Variants in BTBD16 observed in about 807,000 individuals in gnomAD.
BTBD16 encodes the protein BTB/POZ domain-containing protein 16.
In BTBD16, 66 loss-of-function variants were observed where a neutral mutation model predicts 67.4. The ratio of observed to expected loss-of-function variants is 0.98; its 90% CI spans 0.80 to 1.20. The LOEUF (loss-of-function observed/expected upper bound fraction) is 1.20, where lower values mean the gene tolerates loss of function less well. Ranked by LOEUF, BTBD16 falls within the 50% of genes most tolerant of loss-of-function variation. The pLI is 0.00. For missense variants in BTBD16, 634 were observed against 616.0 expected (o/e 1.03, Z -0.31); for synonymous variants, 242 against 236.4 (o/e 1.02, Z -0.22).
chr10:122,300,799 A>G (rs1305417843), intron 9 of BTBD16, among the ~76,000 whole-genome samples: 1 of 152,232 alleles, frequency 6.6e-6, no homozygotes, highest in African/African-American at 2.4e-5. Context: ...AGTAAATTTC[A>G]AAAGTGAAAA....
chr10:122,289,775 T>C, intron 5 of BTBD16, 134 bp from the exon 6 acceptor site: 1 of 537,880 alleles, frequency 1.9e-6, no homozygotes, highest in Non-Finnish European at 3.3e-6. Context: ...ATTAATTACA[T>C]CTATGAAACA....
chr10:122,311,843 C>A (rs770077626), intron 10 of BTBD16, among the ~76,000 whole-genome samples: 2 of 152,196 alleles, frequency 1.3e-5, no homozygotes, highest in Non-Finnish European at 1.5e-5. Context: ...CTTTTACTAC[C>A]AATACATCTT....
At chr10:122,288,608 C>G (rs552603121) in intron 5 of BTBD16, among the ~76,000 whole-genome samples, 1 of 145,652 alleles carries the variant, frequency 6.9e-6, no homozygotes, top group South Asian at 2.3e-4. Context: ...GGTGGAGCGG[C>G]AAGTGAACCA....
At position 122,336,616 on chromosome 10, in the gene BTBD16, G is replaced by T. The variant is rs768564405; in HGVS notation, c.1386G>T (p.Trp462Cys). The T allele has an allele frequency of 4.3e-6, 7 of 1,612,794 alleles. No individual in the cohort carries two copies. The East Asian group carries it at 1.3e-4, about 31-fold the overall frequency. ...CAGAGGCCCTGGTTGACGGCAAGTGGCAGGAGTTCAGGACAAACCAGATCA... is the reference window on the plus strand; with the variant it reads ...CAGAGGCCCTGGTTGACGGCAAGTGTCAGGAGTTCAGGACAAACCAGATCA... ...IRAEALVDGK[W>C]QEFRTNQIKQ... Residue 462 changes from tryptophan (W) to cysteine (C), a missense_variant, in exon 15 of 16, where the codon TGG becomes TGT. Transcript: ENST00000260723.
intron 4 of BTBD16, among the ~76,000 whole-genome samples, chr10:122,284,139 A>G (rs1346848010): frequency 1.3e-5 from 2 of 152,186 alleles, no homozygotes; most frequent in Non-Finnish European, 2.9e-5. Context: ...ACATTTTCAT[A>G]TGCTCCTCGC....
chr10:122,336,298 A>G (rs889383537), intron 14 of BTBD16, among the ~76,000 whole-genome samples, 196 bp from the exon 15 acceptor site: 2 of 152,232 alleles, frequency 1.3e-5, no homozygotes, highest in Admixed American at 6.5e-5. Flanking sequence ...CATCAGCCAC[A>G]GGTTTATGTA....
rs1003640281 is a variant in BTBD16, at chr10:122,290,782, G to A, written c.476-298G>A. On this transcript the variant is annotated intron_variant, in intron 6 of 15. Coordinates refer to ENST00000260723, the MANE Select transcript of BTBD16 (RefSeq NM_144587.5). Reference sequence around the variant, plus strand: ...CCTATATGGGCAGTCACATTCCTGCGCAGGCCACAGACCCCAGGTTAGGGG... The same window carrying A: ...CCTATATGGGCAGTCACATTCCTGCACAGGCCACAGACCCCAGGTTAGGGG... Among the ~76,000 whole-genome samples, 4 of 152,110 alleles carry A rather than the reference G, an allele frequency of 2.6e-5. No homozygotes were observed. The South Asian group carries it at 8.3e-4, about 32-fold the overall frequency.
At chr10:122,320,766 T>C (rs1262451224) in intron 10 of BTBD16, among the ~76,000 whole-genome samples, 1 of 152,230 alleles carries the variant, frequency 6.6e-6, no homozygotes, top group Non-Finnish European at 1.5e-5. Flanking sequence ...TTTTAAATTA[T>C]TGAGACCTGT....
chr10:122,309,236 C>T (rs2096409099), intron 10 of BTBD16, among the ~76,000 whole-genome samples: 1 of 152,208 alleles, frequency 6.6e-6, no homozygotes, highest in African/African-American at 2.4e-5. Flanking sequence ...AAGTGATCCT[C>T]TCGCCTCAGC....
At chr10:122,282,093 G>A (rs1326882380) in intron 3 of BTBD16, among the ~76,000 whole-genome samples, 2 of 152,192 alleles carry the variant, frequency 1.3e-5, no homozygotes, top group African/African-American at 4.8e-5. Context: ...TCACACCCAG[G>A]AGAAGGCAGT....
chr10:122,295,074 A>G (rs1200121269), intron 7 of BTBD16, among the ~76,000 whole-genome samples: 1 of 152,236 alleles, frequency 6.6e-6, no homozygotes, highest in Non-Finnish European at 1.5e-5. Flanking sequence ...TGGCATTTCC[A>G]GAACCAGCAG....
Position 122,299,118 on chromosome 10 carries a change from G to C in BTBD16, c.775G>C (p.Val259Leu). 1 of 1,613,868 alleles carries C rather than the reference G, an allele frequency of 6.2e-7. No individual in the cohort carries two copies. The highest frequency in any genetic ancestry group is 8.5e-7 in the Non-Finnish European group (1 of 1,179,948). The change falls in exon 9 of 16, where the codon GTG (valine) becomes CTG (leucine). Residue 259 changes from valine to leucine, a missense_variant. By Grantham distance (32) the Val-to-Leu change is conservative. Coordinates refer to ENST00000260723, the MANE Select transcript of BTBD16 (RefSeq NM_144587.5). The part of the protein sequence containing the change: ...HKIPQDLLHK[V>L]LKSPRLFTFS... ...AATCCCACAGGACCTGCTCCACAAA[G>C]TGCTGAAGTCCCCCAGGTCAGAGCT...
rs534509953 is a variant in BTBD16, at chr10:122,306,487, C to T, written c.792-702C>T. 5.9e-5 allele frequency among the ~76,000 whole-genome samples: 9 copies of T among 152,302 alleles called. No homozygotes were observed. In the South Asian group the frequency reaches 6.2e-4, roughly 11 times the overall value. On this transcript the variant is annotated intron_variant, in intron 9 of 15. Coordinates refer to ENST00000260723, the MANE Select transcript of BTBD16 (RefSeq NM_144587.5). Reference sequence around the variant, plus strand: ...TTCACAGATGAGGACATTGCAGCTGCGGGGCAGTTAAGCAACTCACAGGAG... The same window carrying T: ...TTCACAGATGAGGACATTGCAGCTGTGGGGCAGTTAAGCAACTCACAGGAG...
intron 10 of BTBD16, among the ~76,000 whole-genome samples, chr10:122,316,850 G>A (rs991355853): frequency 7.9e-5 from 12 of 151,738 alleles, no homozygotes; most frequent in African/African-American, 2.4e-4. Context: ...GTGCAACGGC[G>A]CAATCTCGGT....
In BTBD16 at chr10:122,299,060, T is replaced by C. The variant is rs2096389097; in HGVS notation, c.717T>C (p.Val239=). ...GCEKWLEMNL[V]PLGGTQIHLH... ...AGAAGTGGCTGGAAATGAACTTGGT[T>C]CCTCTAGGGGGGACGCAGATCCACC... The change falls in exon 9 of 16, where the codon GTT becomes GTC. Residue 239 remains valine (V), a synonymous_variant. Coordinates refer to ENST00000260723, the MANE Select transcript of BTBD16 (RefSeq NM_144587.5). 6.2e-7 allele frequency: 1 copy of C among 1,614,008 alleles called. No homozygotes were observed. The highest frequency in any genetic ancestry group is 8.5e-7 in the Non-Finnish European group (1 of 1,179,976).
chr10:122,337,207 G>A (rs755485642), intron 15 of BTBD16, among the ~76,000 whole-genome samples: 3 of 152,196 alleles, frequency 2.0e-5, no homozygotes, highest in Non-Finnish European at 4.4e-5. Flanking sequence ...GGTCCTGATT[G>A]CACATCAGAA....
chr10:122,335,602 G>T (rs148465592), intron 14 of BTBD16, among the ~76,000 whole-genome samples: 1 of 152,202 alleles, frequency 6.6e-6, no homozygotes, highest in Admixed American at 6.5e-5. Context: ...ATACCTCACC[G>T]GATTGTTGTG....
rs548906010 is a variant in BTBD16 at position 122,276,288 on chromosome 10, T to C, written c.19-503T>C. Among the ~76,000 whole-genome samples the C allele has an allele frequency of 4.6e-5, 7 of 152,328 alleles. No homozygotes were observed. The East Asian group carries it at 1.4e-3, about 29-fold the overall frequency. The stretch of plus-strand genomic sequence containing the variant: ...ATAATGAAAATGTTCTGGAATTAGG[T>C]AGTGGTATTGGTTGCATAACGTTGT... On this transcript the variant is annotated intron_variant, in intron 2 of 15. Transcript: ENST00000260723.
intron 3 of BTBD16, among the ~76,000 whole-genome samples, chr10:122,281,916 C>T (rs2096354001): frequency 6.6e-6 from 1 of 152,324 alleles, no homozygotes; most frequent in South Asian, 2.1e-4. Context: ...AGCACGTTCC[C>T]AGCATCCCCG....
Sources: gnomAD v4.1 joint callset for allele counts (sites outside exome capture counted in the v4.1 genomes callset) on GRCh38, gnomAD v4.1.1 for gene constraint, MANE v1.5 for transcripts, NCBI Gene and HGNC (gene_info 2026-07-23, HGNC 2026-07-21) for gene names.